Variants in PDZD2 observed in about 807,000 individuals in gnomAD.
The protein encoded by PDZD2 is PDZ domain containing 2.
Under a neutral mutation model 220.7 loss-of-function variants are expected in PDZD2, and 90 were observed. The ratio of observed to expected loss-of-function variants is 0.41; its 90% CI spans 0.34 to 0.49. PDZD2 has a LOEUF of 0.49. PDZD2 is among the 20% of genes least tolerant of loss of function. The probability of loss-of-function intolerance (pLI) is 0.28; values close to 1 mark genes in which losing one functional copy is unlikely to be tolerated. For missense variants in PDZD2, 3,174 were observed against 3,608.5 expected, an observed-to-expected ratio of 0.88 and a Z score of 3.08; for synonymous variants, 1,375 against 1,450.5, an observed-to-expected ratio of 0.95 and a Z score of 1.18.
At position 31,756,337 on chromosome 5, in the gene PDZD2, G is replaced by A. The variant is rs116407679; in HGVS notation, c.-360-42552G>A. ...ATCCAGAAGCTGTCTTCTCTCTGAGGATAAGGACCATTTCTAGTTTGTTCA... is the reference window on the plus strand; with the variant it reads ...ATCCAGAAGCTGTCTTCTCTCTGAGAATAAGGACCATTTCTAGTTTGTTCA... On this transcript the variant is annotated intron_variant, in intron 1 of 24. Transcript: ENST00000438447. 6.3e-3 allele frequency among the ~76,000 whole-genome samples: 956 copies of A among 152,324 alleles called. 19 individuals are homozygous for A. The highest frequency in any genetic ancestry group is 0.059 in the East Asian group (304 of 5,172).
intron 2 of PDZD2, among the ~76,000 whole-genome samples, chr5:31,805,756 T>A (rs1263464038): frequency 6.6e-6 from 1 of 152,144 alleles, no homozygotes; most frequent in Non-Finnish European, 1.5e-5. Flanking sequence ...AGAAATAGGA[T>A]CATTGCAGGA....
intron 7 of PDZD2, among the ~76,000 whole-genome samples, chr5:32,046,291 G>C (rs1427361002): frequency 6.6e-6 from 1 of 152,142 alleles, no homozygotes; most frequent in Non-Finnish European, 1.5e-5. Context: ...AACCCAAGCT[G>C]AAGTGCAGTG....
intron 22 of PDZD2, 129 bp downstream of exon 22, chr5:32,097,509 A>C (rs1179820797): frequency 2.9e-6 from 2 of 685,144 alleles, no homozygotes. Context: ...CCAACATAAA[A>C]AGGGAGAAGT....
At chr5:31,998,657 C>T (rs1315582451) in intron 4 of PDZD2, among the ~76,000 whole-genome samples, 1 of 152,156 alleles carries the variant, frequency 6.6e-6, no homozygotes, top group East Asian at 1.9e-4. Context: ...TTTTGGCTTC[C>T]CTGGGCCACA....
chr5:32,002,919 C>CCA (rs1451317060), intron 5 of PDZD2, among the ~76,000 whole-genome samples: 1,811 of 122,004 alleles, frequency 0.015, 49 homozygotes, highest in Non-Finnish European at 0.025. Flanking sequence ...CACACACACA[C>CCA]CACACACACC....
rs73749651 is a variant in PDZD2, at chr5:31,738,070, G to A, written c.-360-60819G>A. Among the ~76,000 whole-genome samples, 387 of 152,318 alleles carry A rather than the reference G, an allele frequency of 2.5e-3. 1 individual carries two copies. Among genetic ancestry groups the A allele is most frequent in the African/African-American group, 8.6e-3 (358 of 41,568 alleles). On this transcript the variant is annotated intron_variant, in intron 1 of 24. Transcript: ENST00000438447. The stretch of plus-strand genomic sequence containing the variant: ...TGAAAATTACATTTTTGGAATGTTC[G>A]AGAGATCACAAGATATGAAATCTAC...
At chr5:31,650,576 C>T (rs1745313188) in intron 1 of PDZD2, among the ~76,000 whole-genome samples, 1 of 152,180 alleles carries the variant, frequency 6.6e-6, no homozygotes, top group African/African-American at 2.4e-5. Flanking sequence ...TGGCCTGGGA[C>T]TTAATCTTGA....
At chr5:31,698,593 T>C (rs1300326616) in intron 1 of PDZD2, among the ~76,000 whole-genome samples, 2 of 147,746 alleles carry the variant, frequency 1.4e-5, no homozygotes, top group Non-Finnish European at 3.0e-5. Flanking sequence ...AGCGAGACTC[T>C]GTCTCAAAAA....
chr5:32,024,581 G>A (rs550506696), intron 6 of PDZD2, among the ~76,000 whole-genome samples: 29 of 152,112 alleles, frequency 1.9e-4, no homozygotes, highest in African/African-American at 7.0e-4. Context: ...TATTCAGGAG[G>A]CTGAGGCAGG....
chr5:31,869,711 C>G (rs1464029865), intron 2 of PDZD2, among the ~76,000 whole-genome samples: 3 of 152,212 alleles, frequency 2.0e-5, no homozygotes, highest in Admixed American at 2.0e-4. Context: ...AGGTATTACG[C>G]CTTTCTTCAG....
chr5:31,990,988 G>A (rs759384135), intron 3 of PDZD2, among the ~76,000 whole-genome samples: 7 of 152,194 alleles, frequency 4.6e-5, no homozygotes, highest in African/African-American at 7.2e-5. Flanking sequence ...GGGGCAGAAT[G>A]TTCCCAGGGA....
chr5:32,084,107 CA>C (rs558668693), intron 19 of PDZD2, among the ~76,000 whole-genome samples: 3 of 152,292 alleles, frequency 2.0e-5, no homozygotes, highest in African/African-American at 7.2e-5. Flanking sequence ...AGGGGAAGTT[CA>C]AAAAAGGTTG....
intron 1 of PDZD2, among the ~76,000 whole-genome samples, chr5:31,692,085 C>G (rs570906945): frequency 6.6e-6 from 1 of 152,158 alleles, no homozygotes; most frequent in Non-Finnish European, 1.5e-5. Flanking sequence ...TGGGGAGGCT[C>G]GGGTGGCACA....
At chr5:31,918,128 C>G (rs574371103) in intron 2 of PDZD2, among the ~76,000 whole-genome samples, 1 of 152,146 alleles carries the variant, frequency 6.6e-6, no homozygotes, top group African/African-American at 2.4e-5. Context: ...TTTAAACAAC[C>G]AGATTTCATG....
At chr5:32,042,806 G>A (rs760364160) in intron 7 of PDZD2, among the ~76,000 whole-genome samples, 4 of 152,126 alleles carry the variant, frequency 2.6e-5, no homozygotes, top group African/African-American at 4.8e-5. Context: ...TGTTTGGGGC[G>A]AGGGAGTCAC....
At chr5:31,803,726 A>C (rs34256802) in intron 2 of PDZD2, among the ~76,000 whole-genome samples, 26,215 of 151,984 alleles carry the variant, frequency 0.17, 2,663 homozygotes, top group Middle Eastern at 0.24. Flanking sequence ...TCAAGACTCC[A>C]AATCTCAGAG....
At position 32,069,643 on chromosome 5, in the gene PDZD2, T is replaced by G; in HGVS notation, c.2526T>G (p.Pro842=). 4.0e-6 allele frequency: 6 copies of G among 1,497,682 alleles called. No individual in the cohort carries two copies. The highest frequency in any genetic ancestry group is 5.6e-6 in the Non-Finnish European group (6 of 1,073,578). The allele number at this position is 1,497,682 out of a possible 1,614,324, so 92.8% of individuals were successfully genotyped here. Residue 842 remains proline, a synonymous_variant, in exon 15 of 25, where the codon CCT becomes CCG. Transcript: ENST00000438447. ...AGAGCAAAGAGGCCAATTCCTCTCC[T>G]GGCTTAGGTACTGTAATCTCACATT... is the stretch of plus-strand genomic sequence containing the variant. ...YQESKEANSS[P]GLGTPLKSPS... is the part of the protein sequence containing the mutation.
intron 2 of PDZD2, among the ~76,000 whole-genome samples, chr5:31,809,128 G>A (rs1306695852): frequency 2.0e-5 from 3 of 152,162 alleles, no homozygotes; most frequent in Non-Finnish European, 4.4e-5. Context: ...CAAGAGTGTA[G>A]CTTATAGCTG....
At chr5:31,716,562 G>C (rs1384072531) in intron 1 of PDZD2, among the ~76,000 whole-genome samples, 2 of 152,196 alleles carry the variant, frequency 1.3e-5, no homozygotes, top group Non-Finnish European at 2.9e-5. Flanking sequence ...CAGCACTTTG[G>C]GAGGCCAAGG....
Sources: allele counts gnomAD v4.1 joint callset (sites outside exome capture counted in the v4.1 genomes callset), GRCh38; gene constraint gnomAD v4.1.1; transcripts MANE v1.5; gene names NCBI Gene and HGNC (gene_info 2026-07-23, HGNC 2026-07-21).